Variants in FRMPD4 observed in about 807,000 individuals in gnomAD.
The protein encoded by FRMPD4 is FERM and PDZ domain containing 4.
A neutral mutation model predicts 94.1 loss-of-function variants in FRMPD4; 22 were observed. The ratio of observed to expected loss-of-function variants is 0.23; its 90% CI spans 0.17 to 0.33. The LOEUF (loss-of-function observed/expected upper bound fraction) is 0.33, where lower values mean the gene tolerates loss of function less well. Among genes scored for constraint, FRMPD4 ranks in the 10% least tolerant of loss-of-function variants. The pLI, the probability that FRMPD4 is intolerant of heterozygous loss-of-function variation, is 1.00. For missense variants in FRMPD4, 1,111 were observed against 1,339.9 expected (o/e 0.83, Z 2.67); for synonymous variants, 631 against 548.6 (o/e 1.15, Z -2.10).
chrX:11,911,363 T>C (rs920558734), intron 3 of FRMPD4, among the ~76,000 whole-genome samples: 6 of 111,872 alleles, frequency 5.4e-5, no homozygotes, highest in Non-Finnish European at 1.1e-4. Flanking sequence ...AAGGTGACAG[T>C]GGAAAGAAAG....
chrX:11,981,338 C>T (rs1441522306), intron 3 of FRMPD4, among the ~76,000 whole-genome samples: 1 of 111,574 alleles, frequency 9.0e-6, no homozygotes, highest in African/African-American at 3.2e-5. Context: ...GTCAGTTTCT[C>T]TTTAAGGCTC....
chrX:11,941,454 A>G (rs2054159598), intron 3 of FRMPD4, among the ~76,000 whole-genome samples: 2 of 112,130 alleles, frequency 1.8e-5, no homozygotes, highest in African/African-American at 6.5e-5. Flanking sequence ...GATAAAATAC[A>G]GAAGCATTCT....
rs982973535 is a variant in FRMPD4, at chrX:12,377,968, C to G, written c.42-120712C>G. On this transcript the variant is annotated intron_variant, in intron 1 of 16. Transcript: ENST00000675598. ...GTCCTGTGCAAACAGAACAGTCTGG[C>G]ATCTTTGAAGGCAGGAGCAAGGTTA... is the stretch of plus-strand genomic sequence containing the variant. Among the ~76,000 whole-genome samples, 3 of 112,545 alleles carry G rather than the reference C, an allele frequency of 2.7e-5. No homozygotes were observed. The Admixed American group carries it at 2.8e-4, about 11-fold the overall frequency.
chrX:12,087,493 G>T (rs753315567), intron 3 of FRMPD4, among the ~76,000 whole-genome samples: 1 of 111,686 alleles, frequency 9.0e-6, no homozygotes, highest in Non-Finnish European at 1.9e-5. Context: ...CAGGTAGACA[G>T]GTCTGTTTAC....
chrX:11,912,171 C>A (rs946964204), intron 3 of FRMPD4, among the ~76,000 whole-genome samples: 2 of 111,996 alleles, frequency 1.8e-5, no homozygotes, highest in Non-Finnish European at 3.8e-5. Context: ...TAAGCCACTC[C>A]CAGCCTCTTT....
intron 2 of FRMPD4, among the ~76,000 whole-genome samples, chrX:12,531,238 C>T (rs1040382155): frequency 1.8e-5 from 2 of 112,292 alleles, no homozygotes; most frequent in African/African-American, 3.2e-5. Flanking sequence ...TTCAATTTCT[C>T]GGCACTTTGT....
At position 12,186,056 on chromosome X, in the gene FRMPD4, C is replaced by G. The variant is rs748136702; in HGVS notation, c.41+47044C>G. 3.6e-5 allele frequency among the ~76,000 whole-genome samples: 4 copies of G among 111,707 alleles called. No individual in the cohort carries two copies. In the Admixed American group the frequency reaches 3.8e-4, roughly 11 times the overall value. ...AATAATTTTAAAGATGGGTAATCTG[C>G]TTTCATGTCTTTTATTGTTTGCATG... On this transcript the variant is annotated intron_variant, in intron 1 of 16. Transcript: ENST00000675598.
intron 1 of FRMPD4, among the ~76,000 whole-genome samples, chrX:12,471,103 C>T (rs2057506623): frequency 8.9e-6 from 1 of 112,267 alleles, no homozygotes; most frequent in Admixed American, 9.5e-5. Context: ...CAATGGACAG[C>T]ATTCAAATCA....
intron 1 of FRMPD4, among the ~76,000 whole-genome samples, chrX:12,303,546 A>G: frequency 8.9e-6 from 1 of 112,031 alleles, no homozygotes; most frequent in Middle Eastern, 4.9e-3. Flanking sequence ...ATGACTATGA[A>G]AGTGTGGGTC....
chrX:12,411,566 A>G (rs761596072), intron 1 of FRMPD4, among the ~76,000 whole-genome samples: 1 of 112,552 alleles, frequency 8.9e-6, no homozygotes, highest in South Asian at 3.7e-4. Context: ...TGTGCAGGAC[A>G]AACTGTTGCT....
intron 1 of FRMPD4, among the ~76,000 whole-genome samples, chrX:12,255,255 G>A (rs1434354424): frequency 9.0e-6 from 1 of 111,438 alleles, no homozygotes; most frequent in Non-Finnish European, 1.9e-5. Flanking sequence ...GCTGGAATGG[G>A]TGATAATGCT....
intron 1 of FRMPD4, 26 bp from the exon 2 acceptor site, chrX:12,498,654 G>A (rs1411416860): frequency 1.2e-6 from 1 of 846,540 alleles, no homozygotes; most frequent in South Asian, 2.1e-5. Context: ...CAGGTGTAAT[G>A]ATGCTTTTTT....
intron 1 of FRMPD4, among the ~76,000 whole-genome samples, chrX:11,844,592 A>G (rs1410503780): frequency 9.0e-6 from 1 of 110,832 alleles, no homozygotes; most frequent in African/African-American, 3.3e-5. Context: ...TTGATGAGAA[A>G]TTAGCTGCTA....
chrX:12,388,479 C>T (rs2056427913), intron 1 of FRMPD4, among the ~76,000 whole-genome samples: 1 of 108,677 alleles, frequency 9.2e-6, no homozygotes, highest in Admixed American at 9.9e-5. Context: ...GTGGCGTGCA[C>T]CTGTAGTCCC....
At chrX:12,642,399 G>A (rs770509827) in intron 4 of FRMPD4, among the ~76,000 whole-genome samples, 1 of 112,035 alleles carries the variant, frequency 8.9e-6, no homozygotes, top group Non-Finnish European at 1.9e-5. Context: ...GGCAAAGAGC[G>A]GGAGGAGAGA....
intron 13 of FRMPD4, 130 bp from the exon 14 acceptor site, chrX:12,710,269 T>G (rs1423373785): frequency 5.4e-6 from 3 of 555,937 alleles, no homozygotes; most frequent in Non-Finnish European, 8.7e-6. Context: ...CTTTTTCTCC[T>G]GCTTTGGGTT....
chrX:12,365,804 C>G (rs904727078), intron 1 of FRMPD4, among the ~76,000 whole-genome samples: 1 of 112,076 alleles, frequency 8.9e-6, no homozygotes, highest in Admixed American at 9.4e-5. Flanking sequence ...TGTCTTGTCT[C>G]AAGTTTTCCA....
chrX:11,941,145 G>T (rs1232634757), intron 3 of FRMPD4, among the ~76,000 whole-genome samples: 1 of 48,492 alleles, frequency 2.1e-5, no homozygotes, highest in Admixed American at 2.8e-4. Flanking sequence ...CCCTGCTTCG[G>T]CTCGCGCACG....
chrX:11,889,157 A>G (rs766924162), intron 3 of FRMPD4, among the ~76,000 whole-genome samples: 2 of 112,388 alleles, frequency 1.8e-5, no homozygotes, highest in Non-Finnish European at 3.8e-5. Flanking sequence ...TTTTTGTAAT[A>G]TATGCTATAG....
Sources: allele counts gnomAD v4.1 joint callset (sites outside exome capture counted in the v4.1 genomes callset), GRCh38; gene constraint gnomAD v4.1.1; transcripts MANE v1.5; gene names NCBI Gene and HGNC (gene_info 2026-07-23, HGNC 2026-07-21).